ARHGAP6: variants seen among roughly 807,000 people sequenced by gnomAD.
ARHGAP6 encodes the protein Rho GTPase activating protein 6.
A neutral mutation model predicts 55.7 loss-of-function variants in ARHGAP6; 16 were observed. The ratio of observed to expected loss-of-function variants is 0.29; its 90% CI spans 0.19 to 0.44. The LOEUF (loss-of-function observed/expected upper bound fraction) is 0.44. Ranked by LOEUF, ARHGAP6 falls within the 20% of genes least tolerant of loss-of-function variation. ARHGAP6 has a pLI of 1.00. For synonymous variants in ARHGAP6, 382 were observed against 360.9 expected (o/e 1.06, Z -0.66); for missense variants, 698 against 808.9 (o/e 0.86, Z 1.66).
intron 1 of ARHGAP6, among the ~76,000 whole-genome samples, chrX:11,595,249 C>G (rs2051887298): frequency 9.5e-6 from 1 of 105,031 alleles, no homozygotes; most frequent in East Asian, 2.9e-4. Flanking sequence ...AAGATTGTGC[C>G]ATTGCACTCC....
intron 10 of ARHGAP6, chrX:11,144,931 T>C (rs1162380596): frequency 8.8e-6 from 1 of 113,097 alleles, no homozygotes; most frequent in African/African-American, 3.2e-5. Context: ...TTTTACAAAC[T>C]GATATGATGT....
intron 7 of ARHGAP6, among the ~76,000 whole-genome samples, chrX:11,178,951 C>T (rs982940873): frequency 9.8e-5 from 11 of 111,861 alleles, no homozygotes; most frequent in Non-Finnish European, 1.9e-5. Flanking sequence ...TCTGGGTTCT[C>T]GTGGTTCCCT....
chrX:11,445,919 A>T (rs1033467496), intron 1 of ARHGAP6, among the ~76,000 whole-genome samples: 1 of 111,271 alleles, frequency 9.0e-6, no homozygotes, highest in Non-Finnish European at 1.9e-5. Flanking sequence ...GCACATCAGC[A>T]TGAACCTTAT....
intron 1 of ARHGAP6, among the ~76,000 whole-genome samples, chrX:11,588,113 C>T (rs2051757656): frequency 8.9e-6 from 1 of 112,313 alleles, no homozygotes; most frequent in African/African-American, 3.2e-5. Context: ...GCAGACACAT[C>T]CATTACTCAG....
At chrX:11,274,228 T>C (rs1374726961) in intron 1 of ARHGAP6, among the ~76,000 whole-genome samples, 1 of 112,143 alleles carries the variant, frequency 8.9e-6, no homozygotes, top group Non-Finnish European at 1.9e-5. Context: ...TTATTATAGG[T>C]AATAAATTAC....
At chrX:11,256,403 A>G (rs1270129817) in intron 1 of ARHGAP6, among the ~76,000 whole-genome samples, 1 of 111,630 alleles carries the variant, frequency 9.0e-6, no homozygotes, top group Non-Finnish European at 1.9e-5. Flanking sequence ...AACATAAAAA[A>G]GAAGTCACTC....
In ARHGAP6 at chrX:11,573,601, G is replaced by C. The variant is rs1242174964; in HGVS notation, c.588+90640C>G. Among the ~76,000 whole-genome samples, 9 of 110,740 alleles carry C rather than the reference G, an allele frequency of 8.1e-5. 1 individual carries two copies. Among genetic ancestry groups the C allele is most frequent in the Non-Finnish European group, 1.5e-4 (8 of 52,900 alleles). On this transcript the variant is annotated intron_variant, in intron 1 of 12. Transcript: ENST00000337414. Reference sequence around the variant, plus strand: ...TTGGTTACTGTAGACTTGTAGTATAGTTTGAAGTCAGGTAGCGTGATGCCT... The same window carrying C: ...TTGGTTACTGTAGACTTGTAGTATACTTTGAAGTCAGGTAGCGTGATGCCT...
chrX:11,481,367 T>A (rs764484287), intron 1 of ARHGAP6, among the ~76,000 whole-genome samples: 36 of 112,318 alleles, frequency 3.2e-4, no homozygotes, highest in Non-Finnish European at 4.1e-4. Flanking sequence ...ATATAATCAA[T>A]TTGCAGAAAG....
rs921321055 is a variant in ARHGAP6 at position 11,554,654 on chromosome X, A to G, written c.588+109587T>C. Among the ~76,000 whole-genome samples the G allele has an allele frequency of 3.6e-5, 4 of 112,282 alleles. No individual in the cohort carries two copies. The East Asian group carries it at 8.3e-4, about 23-fold the overall frequency. On this transcript the variant is annotated intron_variant, in intron 1 of 12. Transcript: ENST00000337414. ...ATTTGGTTTCTCATACAGAACCTTT[A>G]TTTCATCAAGAATAGAAAATATATT...
chrX:11,473,251 AAG>A (rs1569357716), intron 1 of ARHGAP6, among the ~76,000 whole-genome samples: 1 of 111,657 alleles, frequency 9.0e-6, no homozygotes, highest in East Asian at 2.8e-4. Context: ...AAATGCAAGA[AAG>A]AGGAATGTAC....
At chrX:11,176,339 A>ATG (rs1265023878) in intron 8 of ARHGAP6, among the ~76,000 whole-genome samples, 2 of 60,902 alleles carry the variant, frequency 3.3e-5, no homozygotes, top group Non-Finnish European at 5.8e-5. Flanking sequence ...ATATATATAT[A>ATG]TATATATATA....
chrX:11,290,503 A>G (rs781474620), intron 1 of ARHGAP6: 1 of 345,542 alleles, frequency 2.9e-6, no homozygotes, highest in Non-Finnish European at 5.6e-6. Context: ...AAAAAAAAAA[A>G]AAAAAGCTAT....
chrX:11,424,457 C>A (rs1209470757), intron 1 of ARHGAP6, among the ~76,000 whole-genome samples: 1 of 112,161 alleles, frequency 8.9e-6, no homozygotes, highest in African/African-American at 3.2e-5. Flanking sequence ...GCCAGAAAAT[C>A]ATTGATTCAT....
At chrX:11,281,535 G>A (rs1035893134) in intron 1 of ARHGAP6, among the ~76,000 whole-genome samples, 1 of 111,053 alleles carries the variant, frequency 9.0e-6, no homozygotes, top group East Asian at 2.8e-4. Flanking sequence ...AAACTACGGG[G>A]TATCTATTCA....
intron 1 of ARHGAP6, among the ~76,000 whole-genome samples, chrX:11,270,422 G>A (rs763347267): frequency 4.0e-4 from 45 of 111,689 alleles, no homozygotes; most frequent in Non-Finnish European, 7.0e-4. Context: ...CAGAGGCAGG[G>A]CACCAGGATG....
At chrX:11,558,143 G>A (rs1196359030) in intron 1 of ARHGAP6, among the ~76,000 whole-genome samples, 2 of 111,824 alleles carry the variant, frequency 1.8e-5, no homozygotes, top group African/African-American at 6.5e-5. Flanking sequence ...TGACCATCAC[G>A]ATACTTAGAG....
chrX:11,437,381 A>T (rs1385168670), intron 1 of ARHGAP6, among the ~76,000 whole-genome samples: 1 of 112,638 alleles, frequency 8.9e-6, no homozygotes, highest in Non-Finnish European at 1.9e-5. Flanking sequence ...TTCATTCAAT[A>T]TTTCATTGCT....
chrX:11,566,859 T>C (rs2051447264), intron 1 of ARHGAP6, among the ~76,000 whole-genome samples: 1 of 112,174 alleles, frequency 8.9e-6, no homozygotes, highest in African/African-American at 3.2e-5. Context: ...AAAAATAATA[T>C]CACCAGCCAA....
chrX:11,572,014 T>C (rs2051524796), intron 1 of ARHGAP6, among the ~76,000 whole-genome samples: 2 of 110,866 alleles, frequency 1.8e-5, no homozygotes, highest in African/African-American at 3.3e-5. Context: ...AAAGCTGAGA[T>C]AGACCTGCTG....
Sources: gnomAD v4.1 joint callset for allele counts (sites outside exome capture counted in the v4.1 genomes callset) on GRCh38, gnomAD v4.1.1 for gene constraint, MANE v1.5 for transcripts, NCBI Gene and HGNC (gene_info 2026-07-23, HGNC 2026-07-21) for gene names.